CACNA2D4: variants seen among roughly 807,000 people sequenced by gnomAD.
The protein encoded by CACNA2D4 is voltage-dependent calcium channel subunit alpha-2/delta-4.
In CACNA2D4, 157 loss-of-function variants were observed where a neutral mutation model predicts 163.8. The ratio of observed to expected loss-of-function variants is 0.96; its 90% CI spans 0.84 to 1.09. The LOEUF is 1.09. CACNA2D4 is among the 50% of genes least tolerant of loss of function. The pLI is 0.00. For missense variants in CACNA2D4, 1,410 were observed against 1,479.9 expected (o/e 0.95, Z 0.78); for synonymous variants, 598 against 586.9 (o/e 1.02, Z -0.27).
chr12:1,891,663 G>A (rs1322852462), intron 6 of CACNA2D4, among the ~76,000 whole-genome samples: 1 of 151,518 alleles, frequency 6.6e-6, no homozygotes, highest in African/African-American at 2.4e-5. Context: ...AGAGAATACA[G>A]AAAAGCAATG....
In CACNA2D4 at chr12:1,834,776, T is replaced by C; in HGVS notation, c.2551+5963A>G. 1 of 1,523,234 alleles carries C rather than the reference T, an allele frequency of 6.6e-7. No individual in the cohort carries two copies. The highest frequency in any genetic ancestry group is 8.8e-7 in the Non-Finnish European group (1 of 1,139,012). The allele number at this position is 1,523,234 out of a possible 1,614,324, so 94.4% of individuals were successfully genotyped here. A position where few individuals can be genotyped will look rare whatever the true frequency, so the allele number is the denominator to read the frequency against. On this transcript the variant is annotated intron_variant, in intron 26 of 37. Coordinates refer to ENST00000382722, the MANE Select transcript of CACNA2D4 (RefSeq NM_172364.5). This position sits in a 1 kb window ranked among gnomAD's most constrained non-coding sequence, Gnocchi z 7.6. Reference sequence around the variant, plus strand: ...GGGCGGGGAGAGCACACGGCATTGCTCAGCCACAGCTCCCACCTTGACCCG... The same window carrying C: ...GGGCGGGGAGAGCACACGGCATTGCCCAGCCACAGCTCCCACCTTGACCCG...
At chr12:1,867,441 C>G (rs894292936) in intron 18 of CACNA2D4, among the ~76,000 whole-genome samples, 3 of 152,130 alleles carry the variant, frequency 2.0e-5, no homozygotes, top group African/African-American at 7.2e-5. Context: ...TTCTACTGAT[C>G]CATCTTTAAG....
Position 1,874,682 on chromosome 12 carries a change from G to A in CACNA2D4, c.1807-7C>T, listed in dbSNP as rs1865849038. The A allele has an allele frequency of 6.2e-7, 1 of 1,605,976 alleles. No homozygotes were observed. The highest frequency in any genetic ancestry group is 8.5e-7 in the Non-Finnish European group (1 of 1,172,756). On this transcript the variant is annotated splice_region_variant and splice_polypyrimidine_tract_variant and intron_variant, in intron 17 of 37. Transcript: ENST00000382722. The surrounding 1 kb of genome is among the most constrained non-coding windows in gnomAD (Gnocchi z 4.4). ...TGATCATGGCTGTTCTCAGCTTCAGGAGGAAAGACAATGGCATTAGTTCCT... is the reference window on the plus strand; with the variant it reads ...TGATCATGGCTGTTCTCAGCTTCAGAAGGAAAGACAATGGCATTAGTTCCT...
At chr12:1,912,959 T>G (rs1592753392) in intron 3 of CACNA2D4, 64 bp downstream of exon 3, 2 of 1,003,018 alleles carry the variant, frequency 2.0e-6, no homozygotes, top group Non-Finnish European at 3.1e-6. Flanking sequence ...ATCGGGAGGG[T>G]CACTCTGCCA....
rs993879783 is a variant in CACNA2D4, at chr12:1,918,640, G to A, written c.-167C>T. ...TCGCCCCACCTAGCAAGCAGGCCTC[G>A]GAGACAGGGACTGGGGGAGAGGCTG... On this transcript the variant is annotated 5_prime_UTR_variant, in exon 1 of 38. Coordinates refer to ENST00000382722, the MANE Select transcript of CACNA2D4 (RefSeq NM_172364.5). 8.7e-6 allele frequency: 5 copies of A among 577,776 alleles called. No individual in the cohort carries two copies. The highest frequency in any genetic ancestry group is 3.3e-5 in the Admixed American group (1 of 29,914). The allele number at this position is 577,776 out of a possible 1,614,324, so 35.8% of individuals were successfully genotyped here.
Position 1,799,631 on chromosome 12 carries a change from C to T in CACNA2D4, c.2995+44G>A, listed in dbSNP as rs773453857. ...GGTTCTTTGTAGCTCCTGCTGCGTC[C>T]CCAACCCACCGCCAGCAGGGATGGC... On this transcript the variant is annotated intron_variant, in intron 34 of 37. Transcript: ENST00000382722. This position sits in a 1 kb window ranked among gnomAD's most constrained non-coding sequence, Gnocchi z 4.7. 1.3e-6 allele frequency: 2 copies of T among 1,556,096 alleles called. No individual in the cohort carries two copies. The highest frequency in any genetic ancestry group is 4.8e-5 in the East Asian group (2 of 41,240).
intron 6 of CACNA2D4, among the ~76,000 whole-genome samples, chr12:1,892,732 G>A (rs775871873): frequency 3.9e-5 from 6 of 152,044 alleles, no homozygotes; most frequent in Non-Finnish European, 8.8e-5. Flanking sequence ...CCAACTATAT[G>A]CTGCCTAGAA....
intron 19 of CACNA2D4, among the ~76,000 whole-genome samples, chr12:1,859,012 G>A (rs189862148): frequency 5.6e-4 from 85 of 152,220 alleles, no homozygotes; most frequent in Non-Finnish European, 9.1e-4. Context: ...TTTCCTACCC[G>A]GTGAGTCCTG....
intron 29 of CACNA2D4, chr12:1,809,240 C>A: frequency 2.1e-6 from 1 of 470,664 alleles, no homozygotes; most frequent in Non-Finnish European, 3.8e-6. Flanking sequence ...CAGGCCAGAC[C>A]ACAGCCCTAC....
chr12:1,797,434 A>G lies in CACNA2D4; in HGVS notation c.3097T>C (p.Cys1033Arg). ...AIREANGIVE[C>R]GPCQKVFVVQ... Reference sequence around the variant, plus strand: ...CGGTCTTACTTCTGGCAGGGCCCGCACTCCACGATCCCGTTGGCCTCCCGG... The same window carrying G: ...CGGTCTTACTTCTGGCAGGGCCCGCGCTCCACGATCCCGTTGGCCTCCCGG... The change falls in exon 35 of 38, where the codon TGC becomes CGC. Residue 1033 changes from cysteine (C) to arginine (R), a missense_variant. Physicochemically the swap from Cys to Arg is radical, Grantham distance 180 (BLOSUM62 -3). Coordinates refer to ENST00000382722, the MANE Select transcript of CACNA2D4 (RefSeq NM_172364.5). The G allele has an allele frequency of 6.4e-7, 1 of 1,554,522 alleles. No homozygotes were observed. Among genetic ancestry groups the G allele is most frequent in the African/African-American group, 1.4e-5 (1 of 73,674 alleles).
At position 1,821,523 on chromosome 12, in the gene CACNA2D4, C is replaced by T. The variant is rs966437210; in HGVS notation, c.2552-9800G>A. ...AAGGGCAAGACAGGAGAACCAGGCC[C>T]GCGAGAACCTGCTGGGGTGTCCCGC... is the stretch of plus-strand genomic sequence containing the variant. On this transcript the variant is annotated intron_variant, in intron 26 of 37. Coordinates refer to ENST00000382722, the MANE Select transcript of CACNA2D4 (RefSeq NM_172364.5). Among the ~76,000 whole-genome samples, 8 of 152,172 alleles carry T rather than the reference C, an allele frequency of 5.3e-5. No individual in the cohort carries two copies. In the East Asian group the frequency reaches 7.7e-4, roughly 15 times the overall value.
intron 4 of CACNA2D4, among the ~76,000 whole-genome samples, 163 bp downstream of exon 4, chr12:1,909,743 C>T (rs1308048324): frequency 6.6e-6 from 1 of 152,208 alleles, no homozygotes; most frequent in Non-Finnish European, 1.5e-5. Context: ...GAACAAGTTC[C>T]GATCCAGAGG....
intron 3 of CACNA2D4, among the ~76,000 whole-genome samples, chr12:1,912,557 A>C (rs1866853323): frequency 6.9e-6 from 1 of 144,740 alleles, no homozygotes; most frequent in Non-Finnish European, 1.5e-5. Flanking sequence ...GTGAGGGAGG[A>C]ATGAGGACAG....
intron 25 of CACNA2D4, among the ~76,000 whole-genome samples, chr12:1,842,295 A>G (rs538134437): frequency 6.6e-6 from 1 of 152,248 alleles, no homozygotes; most frequent in South Asian, 2.1e-4. Flanking sequence ...CTAGGCACTG[A>G]CTGCACAATG....
chr12:1,805,158 G>T (rs948125586), intron 29 of CACNA2D4, among the ~76,000 whole-genome samples: 3 of 152,146 alleles, frequency 2.0e-5, no homozygotes, highest in African/African-American at 7.2e-5. Context: ...TGAACTCTGG[G>T]GCTGGGTCAA....
chr12:1,793,574 C>G lies in CACNA2D4; in HGVS notation c.*81G>C. On this transcript the variant is annotated 3_prime_UTR_variant, in exon 38 of 38. Coordinates refer to ENST00000382722, the MANE Select transcript of CACNA2D4 (RefSeq NM_172364.5). Reference sequence around the variant, plus strand: ...CTGGGGGCGACCCAACTGCAGTTAGCTGCATCCCATGTCAGTGCTGACTTT... The same window carrying G: ...CTGGGGGCGACCCAACTGCAGTTAGGTGCATCCCATGTCAGTGCTGACTTT... 7.9e-7 allele frequency: 1 copy of G among 1,262,990 alleles called. No homozygotes were observed. Among genetic ancestry groups the G allele is most frequent in the Admixed American group, 1.8e-5 (1 of 57,086 alleles). The allele number at this position is 1,262,990 out of a possible 1,614,324, so 78.2% of individuals were successfully genotyped here. A position where few individuals can be genotyped will look rare whatever the true frequency, so the allele number is the denominator to read the frequency against.
At chr12:1,832,373 T>A (rs531965558) in intron 26 of CACNA2D4, among the ~76,000 whole-genome samples, 2 of 152,322 alleles carry the variant, frequency 1.3e-5, no homozygotes, top group South Asian at 4.2e-4. Flanking sequence ...GAACGTGGCT[T>A]GAGAGGTGCC....
Position 1,797,323 on chromosome 12 carries a change from C to G in CACNA2D4, c.3113+95G>C, listed in dbSNP as rs774316394. ...CATCCCCTCCTCCCGGCTGTGGAGCCGTTTCCCGGGGGTTCCGGGGCCCTG... is the reference window on the plus strand; with the variant it reads ...CATCCCCTCCTCCCGGCTGTGGAGCGGTTTCCCGGGGGTTCCGGGGCCCTG... On this transcript the variant is annotated intron_variant, in intron 35 of 37. Coordinates refer to ENST00000382722, the MANE Select transcript of CACNA2D4 (RefSeq NM_172364.5). 1.1e-5 allele frequency: 10 copies of G among 899,038 alleles called. No homozygotes were observed. In the East Asian group the frequency reaches 2.1e-4, roughly 19 times the overall value. 55.7% of individuals were successfully genotyped at this position (899,038 alleles called of 1,614,324 possible).
intron 26 of CACNA2D4, chr12:1,831,508 A>T: frequency 6.2e-7 from 1 of 1,613,062 alleles, no homozygotes; most frequent in Non-Finnish European, 8.5e-7. Context: ...CACTGGATGG[A>T]GTGGTTCTCC....
Sources: allele counts gnomAD v4.1 joint callset (sites outside exome capture counted in the v4.1 genomes callset), GRCh38; gene constraint gnomAD v4.1.1; non-coding constraint Gnocchi (gnomAD v3.1); transcripts MANE v1.5; gene names NCBI Gene and HGNC (gene_info 2026-07-23, HGNC 2026-07-21).